The following UGP2 variants were observed in gnomAD, a reference collection of about 807,000 sequenced individuals.
UGP2 encodes UDP-glucose pyrophosphorylase 2.
UGP2 carries 40 observed loss-of-function variants against 49.0 expected under a neutral mutation model. The ratio of observed to expected loss-of-function variants is 0.82; its 90% CI spans 0.63 to 1.06. The LOEUF (loss-of-function observed/expected upper bound fraction) is 1.06. Ranked by LOEUF, UGP2 falls within the 50% of genes least tolerant of loss-of-function variation. UGP2 has a pLI of 0.00. For missense variants in UGP2, 460 were observed against 603.5 expected (o/e 0.76, Z 2.49); for synonymous variants, 225 against 213.0 (o/e 1.06, Z -0.49).
intron 4 of UGP2, 71 bp downstream of exon 4, chr2:63,882,722 T>C (rs1451825371): frequency 3.9e-5 from 54 of 1,399,036 alleles, no homozygotes; most frequent in Non-Finnish European, 2.8e-6. Context: ...ATAAATGTTA[T>C]AAAATGTAGC....
intron 3 of UGP2, among the ~76,000 whole-genome samples, chr2:63,878,259 TGA>T (rs1442958724): frequency 2.0e-5 from 3 of 152,206 alleles, no homozygotes; most frequent in East Asian, 1.9e-4. Flanking sequence ...AGCAGAATTA[TGA>T]GAGTGGCCCA....
chr2:63,882,428 C>A, intron 3 of UGP2, 38 bp from the exon 4 acceptor site: 1 of 1,469,060 alleles, frequency 6.8e-7, no homozygotes, highest in South Asian at 1.5e-5. Flanking sequence ...TCCCTTAAAG[C>A]TGTTTAAATT....
chr2:63,858,868 A>G (rs1211416344), intron 3 of UGP2, among the ~76,000 whole-genome samples: 2 of 148,252 alleles, frequency 1.3e-5, no homozygotes, highest in African/African-American at 2.5e-5. Context: ...TTTAGGCACT[A>G]TTTATTCCCA....
At chr2:63,889,566 A>C (rs1558966288) in intron 8 of UGP2, 1 of 152,422 alleles carries the variant, frequency 6.6e-6, no homozygotes, top group Non-Finnish European at 1.5e-5. Context: ...TTTTCCCAGC[A>C]AAATAGGAAA....
chr2:63,869,991 C>T (rs1319413399), intron 3 of UGP2, among the ~76,000 whole-genome samples: 4 of 148,624 alleles, frequency 2.7e-5, no homozygotes, highest in African/African-American at 5.0e-5. Context: ...GGCGCAATCT[C>T]GGCTCACTGC....
chr2:63,841,007 G>A (rs1188770074), upstream of UGP2: 1 of 152,296 alleles, frequency 6.6e-6, no homozygotes, highest in Non-Finnish European at 1.5e-5. Context: ...GGGAGGGGAG[G>A]TGTTTAGGAG....
rs371392255 is a variant in UGP2 at position 63,858,634 on chromosome 2, C to G, written c.255+698C>G. ...TCTTGGCTGTAATGCTTAACAGTTA[C>G]AATATGCATTTTTTTTTAGGGTCTA... On this transcript the variant is annotated intron_variant, in intron 3 of 9. Coordinates refer to ENST00000337130, the MANE Select transcript of UGP2 (RefSeq NM_006759.4). 2.6e-5 allele frequency among the ~76,000 whole-genome samples: 4 copies of G among 151,914 alleles called. No homozygotes were observed. The East Asian group carries it at 5.8e-4, about 22-fold the overall frequency.
intron 3 of UGP2, among the ~76,000 whole-genome samples, chr2:63,858,578 C>T (rs578142179): frequency 6.6e-6 from 1 of 151,680 alleles, no homozygotes; most frequent in East Asian, 1.9e-4. Context: ...TCTGAGGAGC[C>T]TCTTATTTTT....
At chr2:63,862,843 A>T (rs1195612596) in intron 3 of UGP2, 1 of 455,578 alleles carries the variant, frequency 2.2e-6, no homozygotes, top group African/African-American at 2.0e-5. Context: ...GCCCACAGGC[A>T]GGCTAACAAG....
chr2:63,890,063 T>C lies in UGP2; in HGVS notation c.1315-18T>C, dbSNP rs201348908. ...AACCCATTTGAGACAAATTTTTATGTTTCTCCTTTTCTGTAAGGTTCAAGA... is the reference window on the plus strand; with the variant it reads ...AACCCATTTGAGACAAATTTTTATGCTTCTCCTTTTCTGTAAGGTTCAAGA... On this transcript the variant is annotated intron_variant, in intron 8 of 9. Coordinates refer to ENST00000337130, the MANE Select transcript of UGP2 (RefSeq NM_006759.4). 2.7e-4 allele frequency: 418 copies of C among 1,573,082 alleles called. No individual in the cohort carries two copies. Among genetic ancestry groups the C allele is most frequent in the Middle Eastern group, 1.0e-3 (6 of 5,974 alleles).
intron 3 of UGP2, among the ~76,000 whole-genome samples, chr2:63,864,698 T>C (rs995106471): frequency 6.6e-6 from 1 of 152,238 alleles, no homozygotes; most frequent in Non-Finnish European, 1.5e-5. Context: ...CACCAGTGTT[T>C]GAAAGAAACT....
chr2:63,891,529 C>A lies in UGP2; in HGVS notation c.*302C>A. On this transcript the variant is annotated 3_prime_UTR_variant, in exon 10 of 10. Coordinates refer to ENST00000337130, the MANE Select transcript of UGP2 (RefSeq NM_006759.4). ...CCTCAATGATGATCACTTTGAATTG[C>A]TTGTGATTTCAAAAATAAAGCAGTG... is the stretch of plus-strand genomic sequence containing the variant. The A allele has an allele frequency of 4.9e-6, 1 of 205,032 alleles. No homozygotes were observed. The highest frequency in any genetic ancestry group is 9.7e-6 in the Non-Finnish European group (1 of 102,672). 12.7% of individuals were successfully genotyped at this position (205,032 alleles called of 1,614,324 possible).
chr2:63,850,755 ACTTAT>A (rs1391188083), intron 1 of UGP2, among the ~76,000 whole-genome samples: 3 of 152,292 alleles, frequency 2.0e-5, no homozygotes, highest in African/African-American at 4.8e-5. Context: ...GACAGTCTAT[ACTTAT>A]CTTAACTCTG....
intron 4 of UGP2, 106 bp from the exon 5 acceptor site, chr2:63,883,854 G>A (rs1156628526): frequency 3.6e-6 from 5 of 1,404,844 alleles, no homozygotes; most frequent in Non-Finnish European, 4.8e-6. Context: ...GCTACGTACA[G>A]ATGATGTTTT....
Position 63,856,436 on chromosome 2 carries a change from A to T in UGP2, c.147+3A>T. On this transcript the variant is annotated splice_donor_region_variant and intron_variant, in intron 2 of 9. Coordinates refer to ENST00000337130, the MANE Select transcript of UGP2 (RefSeq NM_006759.4). ...CAGCATCATCACATGAATTTGAGGT[A>T]AGGAGGTTTCTACAGTGTTCCACCC... 1 of 1,610,134 alleles carries T rather than the reference A, an allele frequency of 6.2e-7. No individual in the cohort carries two copies. The highest frequency in any genetic ancestry group is 8.5e-7 in the Non-Finnish European group (1 of 1,179,718).
intron 1 of UGP2, among the ~76,000 whole-genome samples, chr2:63,852,597 T>C (rs1045203663): frequency 1.3e-5 from 2 of 152,198 alleles, no homozygotes; most frequent in Non-Finnish European, 2.9e-5. Context: ...TGATGGGGGT[T>C]GCAGCTTAAG....
chr2:63,879,467 A>G (rs1671146079), intron 3 of UGP2, among the ~76,000 whole-genome samples: 1 of 152,238 alleles, frequency 6.6e-6, no homozygotes. Flanking sequence ...TATTTGAAAT[A>G]GAATATTCAA....
At chr2:63,865,891 C>G (rs1009461115) in intron 3 of UGP2, among the ~76,000 whole-genome samples, 2 of 152,024 alleles carry the variant, frequency 1.3e-5, no homozygotes, top group African/African-American at 4.8e-5. Flanking sequence ...GGCTTGCTTA[C>G]CGAAGTCAGT....
intron 2 of UGP2, chr2:63,856,972 A>T (rs1182559953): frequency 5.3e-6 from 2 of 377,200 alleles, no homozygotes; most frequent in Non-Finnish European, 1.0e-5. Context: ...AGTGAAGATT[A>T]ATTTTCATTG....
Sources: allele counts gnomAD v4.1 joint callset (sites outside exome capture counted in the v4.1 genomes callset), GRCh38; gene constraint gnomAD v4.1.1; transcripts MANE v1.5; gene names NCBI Gene and HGNC (gene_info 2026-07-23, HGNC 2026-07-21).